VEZT: variants seen among roughly 807,000 people sequenced by gnomAD.
VEZT encodes the protein vezatin, adherens junctions transmembrane protein.
A neutral mutation model predicts 79.9 loss-of-function variants in VEZT; 39 were observed. That is an observed-to-expected ratio of 0.49 (90% confidence interval 0.38 to 0.64). VEZT has a LOEUF of 0.64. VEZT is among the 30% of genes least tolerant of loss of function. The pLI is 0.00. For missense variants in VEZT, 837 were observed against 893.1 expected (o/e 0.94, Z 0.80); for synonymous variants, 325 against 327.6 (o/e 0.99, Z 0.09).
chr12:95,225,072 C>T (rs1046410164), intron 1 of VEZT, among the ~76,000 whole-genome samples: 1 of 152,192 alleles, frequency 6.6e-6, no homozygotes, highest in African/African-American at 2.4e-5. Flanking sequence ...TCCTAACAGG[C>T]CATGGACCGG....
At chr12:95,276,509 A>G (rs1343913816) in intron 7 of VEZT, among the ~76,000 whole-genome samples, 3 of 151,758 alleles carry the variant, frequency 2.0e-5, no homozygotes, top group East Asian at 1.9e-4. Flanking sequence ...AGCTCAAACT[A>G]TTTGCCCACA....
At chr12:95,274,166 G>A (rs1026495814) in intron 6 of VEZT, among the ~76,000 whole-genome samples, 2 of 152,094 alleles carry the variant, frequency 1.3e-5, no homozygotes, top group African/African-American at 4.8e-5. Flanking sequence ...ACAAATGGTA[G>A]GTGTCAAAAA....
intron 1 of VEZT, among the ~76,000 whole-genome samples, chr12:95,233,959 A>T (rs2059633337): frequency 6.6e-6 from 1 of 152,164 alleles, no homozygotes; most frequent in Non-Finnish European, 1.5e-5. Context: ...GGATATTTGC[A>T]TTTATATTTT....
At position 95,285,641 on chromosome 12, in the gene VEZT, C is replaced by T. The variant is rs180672380; in HGVS notation, c.1329-2023C>T. Among the ~76,000 whole-genome samples the T allele has an allele frequency of 2.0e-3, 311 of 152,114 alleles. 3 individuals are homozygous for T. The highest frequency in any genetic ancestry group is 7.1e-3 in the African/African-American group (294 of 41,498). On this transcript the variant is annotated intron_variant, in intron 8 of 11. Coordinates refer to ENST00000436874, the MANE Select transcript of VEZT (RefSeq NM_017599.4). Reference sequence around the variant, plus strand: ...TCTCTGTGGTATTATCCTTTTGTGCCTGTATTCAGCCCAGTTTTACATCTT... The same window carrying T: ...TCTCTGTGGTATTATCCTTTTGTGCTTGTATTCAGCCCAGTTTTACATCTT...
chr12:95,280,553 A>T (rs903448287), intron 7 of VEZT, among the ~76,000 whole-genome samples: 1 of 143,386 alleles, frequency 7.0e-6, no homozygotes, highest in African/African-American at 2.7e-5. Flanking sequence ...ACACACACAC[A>T]CTATTCCTCT....
intron 9 of VEZT, 60 bp from the exon 10 acceptor site, chr12:95,294,212 C>A: frequency 7.2e-7 from 1 of 1,393,900 alleles, no homozygotes; most frequent in Admixed American, 2.0e-5. Flanking sequence ...ATTAGATGTT[C>A]ACTCATTTCT....
chr12:95,293,483 A>G (rs2073455021), intron 9 of VEZT, among the ~76,000 whole-genome samples: 1 of 152,234 alleles, frequency 6.6e-6, no homozygotes, highest in African/African-American at 2.4e-5. Flanking sequence ...AATACCAAAC[A>G]TAAATTTTAA....
intron 1 of VEZT, among the ~76,000 whole-genome samples, chr12:95,243,303 C>T (rs1259049526): frequency 1.4e-5 from 2 of 143,998 alleles, no homozygotes; most frequent in South Asian, 2.2e-4. Context: ...TGGAGGTTGC[C>T]GTGAGCAGAG....
At chr12:95,252,599 C>A (rs1335793180) in intron 2 of VEZT, among the ~76,000 whole-genome samples, 1 of 152,194 alleles carries the variant, frequency 6.6e-6, no homozygotes, top group East Asian at 1.9e-4. Context: ...CTAGAAAAAT[C>A]TCCATTAATT....
chr12:95,219,846 T>C lies in VEZT; in HGVS notation c.36+1960T>C, dbSNP rs541147921. On this transcript the variant is annotated intron_variant, in intron 1 of 11. Transcript: ENST00000436874. The stretch of plus-strand genomic sequence containing the variant: ...TTTGATAGGCAAAAATAACATTCCA[T>C]TGTTTTAATTTACATTTTATGCATT... Among the ~76,000 whole-genome samples, 7 of 152,314 alleles carry C rather than the reference T, an allele frequency of 4.6e-5. No homozygotes were observed. In the East Asian group the frequency reaches 5.8e-4, roughly 13 times the overall value.
chr12:95,251,432 G>C (rs2062588717), intron 1 of VEZT, among the ~76,000 whole-genome samples: 1 of 152,178 alleles, frequency 6.6e-6, no homozygotes, highest in African/African-American at 2.4e-5. Context: ...TTTTAAGTTT[G>C]TTCACAGTGC....
chr12:95,232,320 A>T (rs1045957336), intron 1 of VEZT, among the ~76,000 whole-genome samples: 3 of 152,220 alleles, frequency 2.0e-5, no homozygotes, highest in Non-Finnish European at 2.9e-5. Flanking sequence ...TAGAAACTTT[A>T]AAAAATATGT....
At chr12:95,229,890 G>A (rs1281479861) in intron 1 of VEZT, among the ~76,000 whole-genome samples, 1 of 152,112 alleles carries the variant, frequency 6.6e-6, no homozygotes, top group Non-Finnish European at 1.5e-5. Context: ...AGGAGTTCGA[G>A]ATCAGCCTGG....
chr12:95,274,898 T>C lies in VEZT; in HGVS notation c.996+9T>C, dbSNP rs1210125460. 6.2e-7 allele frequency: 1 copy of C among 1,611,322 alleles called. No homozygotes were observed. The highest frequency in any genetic ancestry group is 1.7e-5 in the Admixed American group (1 of 59,356). The stretch of plus-strand genomic sequence containing the variant: ...GCCTGCCTGCATTGAAGGTAATCCA[T>C]TTGTGTAAGGGAAGGGCTGAAGAAA... On this transcript the variant is annotated intron_variant, in intron 7 of 11. Coordinates refer to ENST00000436874, the MANE Select transcript of VEZT (RefSeq NM_017599.4).
chr12:95,283,852 T>TTC (rs1045317916), intron 8 of VEZT, among the ~76,000 whole-genome samples: 2 of 152,314 alleles, frequency 1.3e-5, no homozygotes, highest in African/African-American at 4.8e-5. Flanking sequence ...TAGCCCTGCC[T>TTC]TCTACAGGGA....
intron 1 of VEZT, chr12:95,245,511 A>T (rs1401193572): frequency 4.4e-6 from 2 of 456,684 alleles, no homozygotes; most frequent in Admixed American, 4.7e-5. Flanking sequence ...GTTTTGTTTT[A>T]TCCCCTGTGC....
chr12:95,239,948 AAGAGAGAGAGAGAG>A (rs140000740), intron 1 of VEZT, among the ~76,000 whole-genome samples: 3,813 of 119,836 alleles, frequency 0.032, 123 homozygotes, highest in Middle Eastern at 0.097. Context: ...GGAGACTCGA[AAGAGAGAGAGAGAG>A]AGAGAGAGAG....
At chr12:95,238,553 A>G (rs1181508699) in intron 1 of VEZT, among the ~76,000 whole-genome samples, 2 of 152,168 alleles carry the variant, frequency 1.3e-5, no homozygotes, top group Admixed American at 6.5e-5. Context: ...CCATATTTAT[A>G]TGCTAAAAAC....
chr12:95,276,615 A>G (rs1033032165), intron 7 of VEZT, among the ~76,000 whole-genome samples: 20 of 152,004 alleles, frequency 1.3e-4, no homozygotes, highest in African/African-American at 4.8e-4. Flanking sequence ...TTAAGTTCCT[A>G]CTAAGTATTT....
Sources: gnomAD v4.1 joint callset for allele counts (sites outside exome capture counted in the v4.1 genomes callset) on GRCh38, gnomAD v4.1.1 for gene constraint, MANE v1.5 for transcripts, NCBI Gene and HGNC (gene_info 2026-07-23, HGNC 2026-07-21) for gene names.